Variants in UTY observed in about 807,000 individuals in gnomAD.
UTY encodes the protein ubiquitously transcribed tetratricopeptide repeat containing, Y-linked, also known as histone demethylase UTY.
Under a neutral mutation model 32.5 loss-of-function variants are expected in UTY, and 12 were observed. The observed-to-expected ratio is 0.37, with a 90% CI of 0.24 to 0.60. The LOEUF (loss-of-function observed/expected upper bound fraction) is 0.60. Among genes scored for constraint, UTY ranks in the 20% least tolerant of loss-of-function variants. The pLI is 0.69. For synonymous variants in UTY, 131 were observed against 103.4 expected (o/e 1.27, Z -1.62); for missense variants, 303 against 299.2 (o/e 1.01, Z -0.09).
intron 8 of UTY, among the ~76,000 whole-genome samples, chrY:13,381,781 C>T: frequency 1.8e-4 from 6 of 32,955 alleles, no homozygotes. Flanking sequence ...ATTCTTAACC[C>T]AGGTGGCATC....
downstream of UTY, among the ~76,000 whole-genome samples, chrY:13,247,702 AAAAAAC>A (rs2053964343): frequency 3.0e-5 from 1 of 33,449 alleles, no homozygotes; most frequent in Non-Finnish European, 7.4e-5. Flanking sequence ...ATTCCATCTC[AAAAAAC>A]AAAAACAAAA....
At chrY:13,235,953 T>C in intron 28 of UTY, among the ~76,000 whole-genome samples, 1 of 32,930 alleles carries the variant, frequency 3.0e-5, no homozygotes, top group Non-Finnish European at 7.5e-5. Context: ...TTTTATAGAG[T>C]TGAGGTCTCA....
chrY:13,373,353 C>G (rs2065101650), intron 8 of UTY, among the ~76,000 whole-genome samples: 1 of 33,551 alleles, frequency 3.0e-5, no homozygotes, highest in Non-Finnish European at 7.4e-5. Context: ...ATATCACGAG[C>G]TGAAGTCAGA....
At chrY:13,320,292 T>C (rs758767698) in intron 21 of UTY, among the ~76,000 whole-genome samples, 113 of 33,247 alleles carry the variant, frequency 3.4e-3, no homozygotes, top group Non-Finnish European at 6.4e-3. Flanking sequence ...TAACACATTT[T>C]CTTGTCAATT....
intron 24 of UTY, among the ~76,000 whole-genome samples, chrY:13,304,699 C>A (rs1003397736): frequency 3.1e-5 from 1 of 32,537 alleles, no homozygotes; most frequent in Non-Finnish European, 7.6e-5. Context: ...CTTGATGACA[C>A]AAGAACACAG....
chrY:13,270,528 C>T, intron 27 of UTY, among the ~76,000 whole-genome samples: 3 of 32,763 alleles, frequency 9.2e-5, no homozygotes, highest in Non-Finnish European at 2.2e-4. Context: ...TACCTATAAG[C>T]AGCCCATCCT....
intron 4 of UTY, among the ~76,000 whole-genome samples, chrY:13,446,738 C>G: frequency 3.1e-5 from 1 of 31,797 alleles, no homozygotes. Flanking sequence ...AACTGCATAT[C>G]ATAATCCCTG....
At chrY:13,246,982 A>G (rs553569820), downstream of UTY, among the ~76,000 whole-genome samples, 90 of 32,137 alleles carry the variant, frequency 2.8e-3, no homozygotes, top group African/African-American at 9.8e-3. Flanking sequence ...ATGCAAATCA[A>G]TCTAAGAAAA....
At chrY:13,288,068 G>C in intron 27 of UTY, among the ~76,000 whole-genome samples, 1 of 32,111 alleles carries the variant, frequency 3.1e-5, no homozygotes, top group African/African-American at 1.2e-4. Context: ...TATGTTTGTA[G>C]AAAAACTAAT....
rs571940432 is a variant in UTY at position 13,400,816 on chromosome Y, G to A, written c.556-3844C>T. On this transcript the variant is annotated intron_variant, in intron 6 of 29. Transcript: ENST00000545955. ...GTCAATTTCCTAGATGTTAACCTTT[G>A]AGAAAAACTGATGGGTATAGGATCT... 6.9e-3 allele frequency among the ~76,000 whole-genome samples: 215 copies of A among 31,366 alleles called. No individual in the cohort carries two copies. The Middle Eastern group carries it at 0.2, about 30-fold the overall frequency. 84.2% of individuals were successfully genotyped at this position (31,366 alleles called of 37,273 possible).
At chrY:13,462,949 T>A (rs2077513576) in intron 3 of UTY, among the ~76,000 whole-genome samples, 41 of 31,122 alleles carry the variant, frequency 1.3e-3, no homozygotes, top group African/African-American at 5.2e-3. Flanking sequence ...ATGTGCTATG[T>A]TGGTGTGCTG....
At chrY:13,297,647 A>G in intron 27 of UTY, 60 bp downstream of exon 27, 2 of 395,732 alleles carry the variant, frequency 5.1e-6, no homozygotes, top group Non-Finnish European at 7.1e-6. Context: ...TTTGAAAAAA[A>G]TACTGAATGG....
intron 27 of UTY, chrY:13,297,431 G>C: frequency 1.1e-5 from 1 of 91,373 alleles, no homozygotes; most frequent in Non-Finnish European, 1.8e-5. Flanking sequence ...AGAAAATAGA[G>C]AGTTGTAAAT....
At chrY:13,447,619 A>T in intron 4 of UTY, among the ~76,000 whole-genome samples, 1 of 34,151 alleles carries the variant, frequency 2.9e-5, no homozygotes, top group Non-Finnish European at 7.3e-5. Flanking sequence ...GATGAAAAAC[A>T]TCGACTAATA....
At chrY:13,387,107 A>G in intron 8 of UTY, among the ~76,000 whole-genome samples, 1 of 33,687 alleles carries the variant, frequency 3.0e-5, no homozygotes, top group African/African-American at 1.2e-4. Flanking sequence ...AACTGGTCAA[A>G]GTAGATCACT....
Position 13,241,346 on chromosome Y carries a change from A to AAT in UTY, c.*1477-6522_*1477-6521dup, listed in dbSNP as rs763754927. On this transcript the variant is annotated intron_variant and NMD_transcript_variant, in intron 28 of 28. Coordinates refer to the UTY transcript ENST00000682112. ...AATGAAAATGGAAACAACACACCAAAATATATATATATAACAAAGGCAAGT... is the reference window on the plus strand; with the variant it reads ...AATGAAAATGGAAACAACACACCAAAATATATATATATATAACAAAGGCAAGT... 7.9e-4 allele frequency among the ~76,000 whole-genome samples: 26 copies of AAT among 33,060 alleles called. No individual in the cohort carries two copies. The South Asian group carries it at 0.013, about 16-fold the overall frequency. The allele number at this position is 33,060 out of a possible 37,273, so 88.7% of individuals were successfully genotyped here.
chrY:13,293,072 G>T, intron 27 of UTY, among the ~76,000 whole-genome samples: 1 of 33,614 alleles, frequency 3.0e-5, no homozygotes, highest in Non-Finnish European at 7.4e-5. Context: ...TCTAGAAAAC[G>T]CATTTGACAA....
At chrY:13,450,163 A>G (rs2076208856) in intron 3 of UTY, among the ~76,000 whole-genome samples, 14 of 33,742 alleles carry the variant, frequency 4.1e-4, no homozygotes, top group Admixed American at 3.8e-3. Context: ...TTCAAAACGA[A>G]AAAGTGTAAA....
intron 27 of UTY, among the ~76,000 whole-genome samples, chrY:13,289,114 C>T (rs1029875100): frequency 5.9e-5 from 2 of 33,748 alleles, no homozygotes; most frequent in Non-Finnish European, 1.5e-4. Flanking sequence ...AAAGCTTCAT[C>T]GCTACCTTAG....
Sources: allele counts gnomAD v4.1 joint callset (sites outside exome capture counted in the v4.1 genomes callset), GRCh38; gene constraint gnomAD v4.1.1; transcripts MANE v1.5; gene names NCBI Gene and HGNC (gene_info 2026-07-23, HGNC 2026-07-21).